USP48: variants seen among roughly 807,000 people sequenced by gnomAD.
USP48 encodes the protein ubiquitin specific peptidase 48.
Under a neutral mutation model 150.7 loss-of-function variants are expected in USP48, and 43 were observed. The ratio of observed to expected loss-of-function variants is 0.29; its 90% CI spans 0.22 to 0.37. The LOEUF is 0.37. Among genes scored for constraint, USP48 ranks in the 10% least tolerant of loss-of-function variants. The probability of loss-of-function intolerance (pLI) is 1.00; values close to 1 mark genes in which losing one functional copy is unlikely to be tolerated. For missense variants in USP48, 813 were observed against 1,249.6 expected, an observed-to-expected ratio of 0.65 and a Z score of 5.27; for synonymous variants, 396 against 425.9, an observed-to-expected ratio of 0.93 and a Z score of 0.86.
At chr1:21,704,524 G>C (rs867950403) in intron 19 of USP48, 132 bp from the exon 20 acceptor site, 2 of 988,876 alleles carry the variant, frequency 2.0e-6, no homozygotes, top group Non-Finnish European at 2.8e-6. Flanking sequence ...GAAAAGATAC[G>C]TATCATCAAC....
intron 1 of USP48, among the ~76,000 whole-genome samples, chr1:21,762,223 C>T (rs928220335): frequency 2.0e-5 from 3 of 152,058 alleles, no homozygotes; most frequent in African/African-American, 4.8e-5. Flanking sequence ...GCTGTGATCG[C>T]ACCAGTGCAT....
At chr1:21,752,945 T>C in intron 4 of USP48, 47 bp downstream of exon 4, 2 of 1,536,638 alleles carry the variant, frequency 1.3e-6, no homozygotes, top group Non-Finnish European at 1.7e-6. Flanking sequence ...CTTAGGATGT[T>C]TGGGTACCTC....
chr1:21,747,459 T>C (rs1440693933), intron 7 of USP48, among the ~76,000 whole-genome samples: 3 of 152,232 alleles, frequency 2.0e-5, no homozygotes, highest in Non-Finnish European at 4.4e-5. Context: ...TGATTTTAAT[T>C]ATAAAATGAA....
At chr1:21,686,836 T>A (rs1410120837) in intron 25 of USP48, 4 of 224,380 alleles carry the variant, frequency 1.8e-5, no homozygotes, top group Non-Finnish European at 2.6e-5. Flanking sequence ...ACAAGTATCA[T>A]GTTATCTTCT....
At chr1:21,767,998 G>A (rs972168696) in intron 1 of USP48, among the ~76,000 whole-genome samples, 9 of 152,116 alleles carry the variant, frequency 5.9e-5, no homozygotes, top group Non-Finnish European at 1.2e-4. Context: ...ACAAGGTCAG[G>A]AGATCGAGAC....
At position 21,723,969 on chromosome 1, in the gene USP48, A is replaced by G. The variant is rs763117666; in HGVS notation, c.1577T>C (p.Ile526Thr). 8 of 1,614,130 alleles carry G rather than the reference A, an allele frequency of 5.0e-6. No individual in the cohort carries two copies. The East Asian group carries it at 1.8e-4, about 36-fold the overall frequency. The change falls in exon 12 of 27, where the codon ATT becomes ACT. Residue 526 changes from isoleucine to threonine, a missense_variant. Coordinates refer to ENST00000308271, the MANE Select transcript of USP48 (RefSeq NM_032236.8). ...HDKLHPDKIS[I>T]MKRISEYAAD... ...TGCATATTCAGATATCCTCTTCATA[A>G]TTGATATTTTATCCGGGTGAAGCTT...
chr1:21,681,982 T>G (rs1191972367), intron 25 of USP48, among the ~76,000 whole-genome samples: 2 of 152,236 alleles, frequency 1.3e-5, no homozygotes, highest in Non-Finnish European at 2.9e-5. Flanking sequence ...CTTCGCTGCC[T>G]GCTGAAGAAC....
intron 19 of USP48, 150 bp from the exon 20 acceptor site, chr1:21,704,542 A>T: frequency 1.2e-6 from 1 of 836,326 alleles, no homozygotes; most frequent in South Asian, 2.6e-5. Context: ...AACAAAGAAT[A>T]GTTTTTCATA....
At chr1:21,768,406 A>G (rs1314728737) in intron 1 of USP48, 1 of 152,916 alleles carries the variant, frequency 6.5e-6, no homozygotes, top group Non-Finnish European at 1.5e-5. Context: ...TGAATACAGA[A>G]CTGGCTGCCC....
intron 11 of USP48, chr1:21,727,731 T>C (rs937436107): frequency 2.1e-5 from 7 of 328,160 alleles, no homozygotes; most frequent in Admixed American, 6.5e-5. Flanking sequence ...AGGGTCAGAA[T>C]TGAATTAAAA....
intron 1 of USP48, among the ~76,000 whole-genome samples, chr1:21,761,950 A>C (rs1243852142): frequency 6.6e-6 from 1 of 152,202 alleles, no homozygotes; most frequent in African/African-American, 2.4e-5. Flanking sequence ...CTAATGGGAA[A>C]GGTCTACTAT....
At chr1:21,778,342 G>A (rs916203503) in intron 1 of USP48, among the ~76,000 whole-genome samples, 14 of 151,984 alleles carry the variant, frequency 9.2e-5, no homozygotes, top group South Asian at 2.1e-4. Context: ...ACACCACTTC[G>A]CACCCACTAG....
intron 15 of USP48, among the ~76,000 whole-genome samples, chr1:21,714,651 A>G (rs1008043192): frequency 2.0e-5 from 3 of 152,204 alleles, no homozygotes; most frequent in African/African-American, 7.2e-5. Context: ...GTGCTATTAG[A>G]ATAGAAAATT....
At chr1:21,750,145 C>T (rs7538354) in intron 6 of USP48, among the ~76,000 whole-genome samples, 89,532 of 151,850 alleles carry the variant, frequency 0.59, 27,543 homozygotes, top group Admixed American at 0.71. Flanking sequence ...CAAAGGTTTA[C>T]TAGGCCCTCT....
At chr1:21,735,613 G>A (rs1366361868) in intron 9 of USP48, among the ~76,000 whole-genome samples, 2 of 152,188 alleles carry the variant, frequency 1.3e-5, no homozygotes, top group Admixed American at 1.3e-4. Context: ...TTAAGGCCAG[G>A]TGCAGTGGCT....
intron 3 of USP48, 127 bp downstream of exon 3, chr1:21,756,419 T>C (rs2097835049): frequency 1.8e-6 from 2 of 1,135,824 alleles, no homozygotes; most frequent in African/African-American, 3.4e-5. Context: ...AGGCAGACGT[T>C]GCAGTGAACC....
At chr1:21,684,402 C>T (rs1188094630) in intron 25 of USP48, among the ~76,000 whole-genome samples, 1 of 152,158 alleles carries the variant, frequency 6.6e-6, no homozygotes. Context: ...TTTCATACAC[C>T]TATTGGCCAT....
intron 1 of USP48, among the ~76,000 whole-genome samples, chr1:21,758,066 C>T (rs1214355538): frequency 6.6e-6 from 1 of 152,066 alleles, no homozygotes; most frequent in African/African-American, 2.4e-5. Flanking sequence ...TGCAAAATCT[C>T]ACTCATAAGG....
At chr1:21,727,806 A>T in intron 11 of USP48, 1 of 908,596 alleles carries the variant, frequency 1.1e-6, no homozygotes, top group Non-Finnish European at 1.3e-6. Context: ...AAGTTATACT[A>T]GTAATGGAAA....
Sources: gnomAD v4.1 joint callset for allele counts (sites outside exome capture counted in the v4.1 genomes callset) on GRCh38, gnomAD v4.1.1 for gene constraint, MANE v1.5 for transcripts, NCBI Gene and HGNC (gene_info 2026-07-23, HGNC 2026-07-21) for gene names.